ULK4: variants seen among roughly 807,000 people sequenced by gnomAD.
The protein encoded by ULK4 is unc-51 like kinase 4.
ULK4 carries 133 observed loss-of-function variants against 160.6 expected under a neutral mutation model. That is an observed-to-expected ratio of 0.83 (90% confidence interval 0.72 to 0.96). The LOEUF (loss-of-function observed/expected upper bound fraction) is 0.96, where lower values mean the gene tolerates loss of function less well. Ranked by LOEUF, ULK4 falls within the 40% of genes least tolerant of loss-of-function variation. ULK4 has a pLI of 0.00. For missense variants in ULK4, 1,580 were observed against 1,499.5 expected (o/e 1.05, Z -0.89); for synonymous variants, 534 against 539.8 (o/e 0.99, Z 0.15).
chr3:41,745,378 A>G (rs991646861), intron 22 of ULK4, among the ~76,000 whole-genome samples: 1 of 151,756 alleles, frequency 6.6e-6, no homozygotes, highest in Non-Finnish European at 1.5e-5. Context: ...TACTAGAAAA[A>G]AAATTTAATA....
At position 41,507,612 on chromosome 3, in the gene ULK4, CAAAAAAAAAAAA is replaced by C. The variant is rs71075473; in HGVS notation, c.3227-44371_3227-44360del. Among the ~76,000 whole-genome samples, 41 of 75,286 alleles carry C rather than the reference CAAAAAAAAAAAA, an allele frequency of 5.4e-4. 1 individual carries two copies. The highest frequency in any genetic ancestry group is 1.4e-3 in the African/African-American group (22 of 16,210). The allele number at this position is 75,286 out of a possible 152,430, so 49.4% of individuals were successfully genotyped here. ...TGAAATAATATATTAAAACCACCACCAAAAAAAAAAAAAAAAAAAAAAAAAAACTGAAATTTT... is the reference window on the plus strand; with the variant it reads ...TGAAATAATATATTAAAACCACCACCAAAAAAAAAAAAAAACTGAAATTTT... On this transcript the variant is annotated intron_variant, in intron 32 of 36. Coordinates refer to ENST00000301831, the MANE Select transcript of ULK4 (RefSeq NM_017886.4).
At chr3:41,659,561 T>G (rs557209392) in intron 30 of ULK4, among the ~76,000 whole-genome samples, 7 of 152,296 alleles carry the variant, frequency 4.6e-5, no homozygotes, top group Admixed American at 3.3e-4. Context: ...ATGGCAACAT[T>G]GCAAAGTTTA....
chr3:41,368,413 A>C (rs529393140), intron 35 of ULK4, among the ~76,000 whole-genome samples: 1 of 152,156 alleles, frequency 6.6e-6, no homozygotes, highest in Admixed American at 6.5e-5. Flanking sequence ...AAAGTGTACA[A>C]ACTCAGTGCT....
At chr3:41,538,393 T>C (rs1023754197) in intron 32 of ULK4, among the ~76,000 whole-genome samples, 3 of 152,298 alleles carry the variant, frequency 2.0e-5, no homozygotes, top group Non-Finnish European at 4.4e-5. Context: ...GATTCATTTA[T>C]CTTGAAATGG....
rs150659456 is a variant in ULK4 at position 41,891,634 on chromosome 3, C to T, written c.1577+3884G>A. 1.9e-3 allele frequency among the ~76,000 whole-genome samples: 286 copies of T among 152,210 alleles called. 1 individual carries two copies. The highest frequency in any genetic ancestry group is 6.6e-3 in the African/African-American group (274 of 41,532). The stretch of plus-strand genomic sequence containing the variant: ...AACAAAAAATACTAACAGCCAGGCG[C>T]GGTGGCTCATGCCTATAATCCCAGC... On this transcript the variant is annotated intron_variant, in intron 16 of 36. Transcript: ENST00000301831.
At chr3:41,865,126 G>C (rs1219154295) in intron 17 of ULK4, among the ~76,000 whole-genome samples, 1 of 151,850 alleles carries the variant, frequency 6.6e-6, no homozygotes, top group Non-Finnish European at 1.5e-5. Context: ...ACAAAAATTA[G>C]CCAGATGTGG....
intron 35 of ULK4, among the ~76,000 whole-genome samples, chr3:41,284,337 TCA>T (rs2079419364): frequency 6.6e-6 from 1 of 152,102 alleles, no homozygotes; most frequent in South Asian, 2.1e-4. Context: ...CTACCTGATT[TCA>T]CACTTTCCTA....
At chr3:41,409,365 A>G (rs940341638) in intron 34 of ULK4, among the ~76,000 whole-genome samples, 3 of 152,234 alleles carry the variant, frequency 2.0e-5, no homozygotes, top group African/African-American at 7.2e-5. Context: ...CACAAGCAAC[A>G]AAAGAAAAAA....
At chr3:41,961,385 C>G (rs912749038) in intron 1 of ULK4, among the ~76,000 whole-genome samples, 1 of 152,186 alleles carries the variant, frequency 6.6e-6, no homozygotes, top group Non-Finnish European at 1.5e-5. Flanking sequence ...TGTTACTACA[C>G]GCCCTGGGGT....
chr3:41,386,265 T>G (rs2081807167), intron 35 of ULK4, among the ~76,000 whole-genome samples: 1 of 152,220 alleles, frequency 6.6e-6, no homozygotes, highest in South Asian at 2.1e-4. Context: ...GCATTTCATT[T>G]TGTGGCCTGC....
At chr3:41,934,222 C>T (rs2148824438) in intron 4 of ULK4, among the ~76,000 whole-genome samples, 1 of 152,308 alleles carries the variant, frequency 6.6e-6, no homozygotes, top group East Asian at 1.9e-4. Context: ...AAATTGTCTA[C>T]AGCTGCTTTC....
chr3:41,913,401 AT>A (rs933786420), intron 8 of ULK4, among the ~76,000 whole-genome samples: 5 of 151,708 alleles, frequency 3.3e-5, no homozygotes, highest in Admixed American at 2.0e-4. Flanking sequence ...AATTTTTTGT[AT>A]TTTTAGTAGA....
At chr3:41,790,387 A>C (rs968874155) in intron 20 of ULK4, among the ~76,000 whole-genome samples, 2 of 152,260 alleles carry the variant, frequency 1.3e-5, no homozygotes, top group Non-Finnish European at 2.9e-5. Context: ...GCAGGAAATT[A>C]AACCGATATA....
intron 30 of ULK4, among the ~76,000 whole-genome samples, chr3:41,637,441 C>G (rs189298410): frequency 6.6e-6 from 1 of 152,090 alleles, no homozygotes; most frequent in Non-Finnish European, 1.5e-5. Flanking sequence ...ATTCGTTCAT[C>G]TATTGATGGA....
In ULK4 at chr3:41,455,505, T is replaced by A. The variant is rs377014998; in HGVS notation, c.3484A>T (p.Ile1162Phe). The A allele has an allele frequency of 6.2e-7, 1 of 1,613,804 alleles. No individual in the cohort carries two copies. The highest frequency in any genetic ancestry group is 8.5e-7 in the Non-Finnish European group (1 of 1,179,712). Residue 1162 changes from isoleucine (I) to phenylalanine (F), a missense_variant, in exon 34 of 37, where the codon ATT becomes TTT. Coordinates refer to ENST00000301831, the MANE Select transcript of ULK4 (RefSeq NM_017886.4). ...RPLTDLISLLIPLLPNEDPEI... is the reference protein window; with the variant it reads ...RPLTDLISLLFPLLPNEDPEI... ...TACAGGTGAGCTCTTACCAGTGGAA[T>A]GAGCAGGCTAATCAGGTCTGTCAGA...
intron 31 of ULK4, among the ~76,000 whole-genome samples, chr3:41,602,295 G>T (rs1224105098): frequency 8.3e-6 from 1 of 121,022 alleles, no homozygotes; most frequent in African/African-American, 3.4e-5. Context: ...GGAAAGGAAA[G>T]GAAAGGAAAG....
chr3:41,480,153 G>A (rs2084272486), intron 32 of ULK4, among the ~76,000 whole-genome samples: 1 of 145,134 alleles, frequency 6.9e-6, no homozygotes, highest in African/African-American at 2.5e-5. Context: ...CTTGCAGTGA[G>A]CCAAGATTGC....
At chr3:41,865,608 A>G (rs1020307658) in intron 17 of ULK4, among the ~76,000 whole-genome samples, 42 of 152,262 alleles carry the variant, frequency 2.8e-4, no homozygotes, top group Admixed American at 1.6e-3. Flanking sequence ...TCCTTGGCCC[A>G]TCGGAAAGTT....
intron 35 of ULK4, among the ~76,000 whole-genome samples, chr3:41,383,999 T>C (rs978387684): frequency 2.6e-5 from 4 of 152,152 alleles, no homozygotes; most frequent in Non-Finnish European, 5.9e-5. Context: ...CTTTAAAAAG[T>C]CAATGTGGGA....
Sources: gnomAD v4.1 joint callset for allele counts (sites outside exome capture counted in the v4.1 genomes callset) on GRCh38, gnomAD v4.1.1 for gene constraint, MANE v1.5 for transcripts, NCBI Gene and HGNC (gene_info 2026-07-23, HGNC 2026-07-21) for gene names.